HPSE2: variants seen among roughly 807,000 people sequenced by gnomAD.
The protein encoded by HPSE2 is inactive heparanase-2.
In HPSE2, 38 loss-of-function variants were observed where a neutral mutation model predicts 60.5. The ratio of observed to expected loss-of-function variants is 0.63; its 90% CI spans 0.48 to 0.82. HPSE2 has a LOEUF of 0.82. Ranked by LOEUF, HPSE2 falls within the 40% of genes least tolerant of loss-of-function variation. The pLI is 0.00. For missense variants in HPSE2, 713 were observed against 740.4 expected (o/e 0.96, Z 0.43); for synonymous variants, 295 against 293.2 (o/e 1.01, Z -0.06).
intron 2 of HPSE2, among the ~76,000 whole-genome samples, chr10:99,231,533 TC>T (rs1179739547): frequency 6.6e-6 from 1 of 152,162 alleles, no homozygotes; most frequent in Non-Finnish European, 1.5e-5. Context: ...CAAAAAATTT[TC>T]AATAGCATTT....
intron 3 of HPSE2, among the ~76,000 whole-genome samples, chr10:98,970,256 C>T (rs946744448): frequency 3.9e-5 from 6 of 152,168 alleles, no homozygotes; most frequent in African/African-American, 1.2e-4. Context: ...AGCCACCACG[C>T]CCGGCCTGTC....
At chr10:98,968,373 T>C (rs1177370858) in intron 3 of HPSE2, among the ~76,000 whole-genome samples, 1 of 151,994 alleles carries the variant, frequency 6.6e-6, no homozygotes, top group East Asian at 1.9e-4. Context: ...GTGGGTGTGG[T>C]GAAAAGGGAA....
At chr10:98,526,433 A>C (rs1471140683) in intron 9 of HPSE2, among the ~76,000 whole-genome samples, 2 of 152,224 alleles carry the variant, frequency 1.3e-5, no homozygotes, top group African/African-American at 4.8e-5. Context: ...TTTTGGTTAC[A>C]ACACCAACTC....
At chr10:99,090,490 C>G (rs1234989079) in intron 3 of HPSE2, among the ~76,000 whole-genome samples, 1 of 151,808 alleles carries the variant, frequency 6.6e-6, no homozygotes, top group Non-Finnish European at 1.5e-5. Context: ...AGAATACTTT[C>G]CTTGTGAAAA....
At chr10:99,063,074 A>G (rs1842501889) in intron 3 of HPSE2, among the ~76,000 whole-genome samples, 1 of 152,196 alleles carries the variant, frequency 6.6e-6, no homozygotes, top group Admixed American at 6.5e-5. Flanking sequence ...CTGAAGCCCT[A>G]TGAACCTCAG....
chr10:99,083,236 A>C (rs778374381), intron 3 of HPSE2, among the ~76,000 whole-genome samples: 2 of 152,226 alleles, frequency 1.3e-5, no homozygotes, highest in Non-Finnish European at 2.9e-5. Context: ...TCTTTAGATC[A>C]AAAATCAGAA....
chr10:98,876,450 G>A (rs1041755846), intron 3 of HPSE2, among the ~76,000 whole-genome samples: 1 of 151,796 alleles, frequency 6.6e-6, no homozygotes, highest in African/African-American at 2.4e-5. Flanking sequence ...AGTGAACTTA[G>A]CACATAACTT....
At chr10:98,747,292 A>C (rs1004588811) in intron 3 of HPSE2, among the ~76,000 whole-genome samples, 1 of 152,194 alleles carries the variant, frequency 6.6e-6, no homozygotes. Context: ...AATCCATATC[A>C]AATGTTTGCA....
the HPSE2 span, among the ~76,000 whole-genome samples, chr10:99,259,226 A>G: frequency 3.3e-5 from 5 of 151,706 alleles, no homozygotes; most frequent in Non-Finnish European, 5.9e-5. Context: ...GAATTGCTTG[A>G]ACCTGGGAGG....
intron 3 of HPSE2, among the ~76,000 whole-genome samples, chr10:98,962,417 C>A (rs530935253): frequency 2.0e-5 from 3 of 151,552 alleles, no homozygotes; most frequent in African/African-American, 7.3e-5. Flanking sequence ...CTTTTATTTC[C>A]TTGAGCAGTG....
intron 3 of HPSE2, among the ~76,000 whole-genome samples, chr10:98,814,103 C>T (rs904681018): frequency 2.6e-5 from 4 of 152,078 alleles, no homozygotes; most frequent in Non-Finnish European, 5.9e-5. Flanking sequence ...ACCCAAAAGG[C>T]CTTGGCCTTT....
intron 9 of HPSE2, among the ~76,000 whole-genome samples, chr10:98,543,484 A>G (rs1943548205): frequency 6.6e-6 from 1 of 152,178 alleles, no homozygotes; most frequent in African/African-American, 2.4e-5. Flanking sequence ...AACAATATTA[A>G]CTTTAAATGT....
intron 10 of HPSE2, among the ~76,000 whole-genome samples, chr10:98,484,308 G>A (rs111406549): frequency 9.2e-5 from 14 of 151,938 alleles, no homozygotes; most frequent in African/African-American, 3.4e-4. Flanking sequence ...CACGATCTGG[G>A]CTCACTGCAA....
chr10:98,632,580 CAA>C (rs1374956364), intron 7 of HPSE2, among the ~76,000 whole-genome samples: 3 of 152,218 alleles, frequency 2.0e-5, no homozygotes, highest in Non-Finnish European at 4.4e-5. Flanking sequence ...GGCCAAGAGT[CAA>C]AGTTTCCCTT....
intron 3 of HPSE2, among the ~76,000 whole-genome samples, chr10:98,885,340 C>T (rs1953134897): frequency 6.6e-6 from 1 of 152,106 alleles, no homozygotes; most frequent in African/African-American, 2.4e-5. Flanking sequence ...GGTGAAGATG[C>T]TCTGAACATT....
intron 2 of HPSE2, among the ~76,000 whole-genome samples, chr10:99,194,445 T>A: frequency 6.7e-6 from 1 of 148,846 alleles, no homozygotes; most frequent in Non-Finnish European, 1.5e-5. Flanking sequence ...TCAATGAAAC[T>A]GAAACAAAAA....
chr10:98,528,299 GC>G (rs1424564682), intron 9 of HPSE2, among the ~76,000 whole-genome samples: 1 of 152,120 alleles, frequency 6.6e-6, no homozygotes, highest in Admixed American at 6.5e-5. Flanking sequence ...CTCCCAGCCA[GC>G]TTTTAGTTCA....
intron 5 of HPSE2, among the ~76,000 whole-genome samples, chr10:98,717,484 T>C (rs1948819567): frequency 6.6e-6 from 1 of 152,122 alleles, no homozygotes; most frequent in Admixed American, 6.6e-5. Flanking sequence ...TGCCTTAAAG[T>C]GAGAGACATG....
chr10:99,264,893 C>T, the HPSE2 span, among the ~76,000 whole-genome samples: 8 of 152,052 alleles, frequency 5.3e-5, no homozygotes, highest in African/African-American at 1.9e-4. Flanking sequence ...TAGAAGCAAC[C>T]CTGAGAAACA....
Sources: gnomAD v4.1 joint callset for allele counts (sites outside exome capture counted in the v4.1 genomes callset) on GRCh38, gnomAD v4.1.1 for gene constraint, MANE v1.5 for transcripts, NCBI Gene and HGNC (gene_info 2026-07-23, HGNC 2026-07-21) for gene names.